The following ATP2C1 variants were observed in gnomAD, a reference collection of about 807,000 sequenced individuals.
ATP2C1 encodes the protein calcium-transporting ATPase type 2C member 1.
Under a neutral mutation model 120.5 loss-of-function variants are expected in ATP2C1, and 31 were observed. That is an observed-to-expected ratio of 0.26 (90% CI 0.19 to 0.35). The LOEUF (loss-of-function observed/expected upper bound fraction) is 0.35, where lower values mean the gene tolerates loss of function less well. ATP2C1 is among the 10% of genes least tolerant of loss of function. The pLI, the probability that ATP2C1 is intolerant of heterozygous loss-of-function variation, is 1.00. For synonymous variants in ATP2C1, 351 were observed against 358.7 expected, an observed-to-expected ratio of 0.98 and a Z score of 0.24; for missense variants, 731 against 1,107.5, an observed-to-expected ratio of 0.66 and a Z score of 4.83.
chr3:131,011,012 G>A (rs376933751), intron 26 of ATP2C1, among the ~76,000 whole-genome samples: 7 of 152,214 alleles, frequency 4.6e-5, no homozygotes, highest in African/African-American at 1.7e-4. Context: ...CAATAATTTG[G>A]ACTGTTATAA....
intron 12 of ATP2C1, among the ~76,000 whole-genome samples, chr3:130,961,358 A>G (rs2060811586): frequency 6.6e-6 from 1 of 151,952 alleles, no homozygotes; most frequent in Admixed American, 6.6e-5. Flanking sequence ...AAATAGAATA[A>G]AACTCATTCT....
At chr3:130,905,421 C>T (rs1257505930) in intron 2 of ATP2C1, among the ~76,000 whole-genome samples, 4 of 152,158 alleles carry the variant, frequency 2.6e-5, no homozygotes, top group African/African-American at 9.6e-5. Context: ...AAACTGTTCT[C>T]AACCACAGTA....
At chr3:130,971,411 C>G (rs943301895) in intron 17 of ATP2C1, among the ~76,000 whole-genome samples, 3 of 152,128 alleles carry the variant, frequency 2.0e-5, no homozygotes, top group African/African-American at 7.2e-5. Flanking sequence ...ACAAACAAAA[C>G]CCAACCCACA....
chr3:130,925,326 G>A (rs749185127), intron 2 of ATP2C1, among the ~76,000 whole-genome samples: 6 of 152,300 alleles, frequency 3.9e-5, no homozygotes. Flanking sequence ...GTGCCAAACT[G>A]TAGTGATTGT....
At chr3:130,955,964 G>A (rs1164830987) in intron 10 of ATP2C1, 140 bp from the exon 11 acceptor site, 3 of 658,328 alleles carry the variant, frequency 4.6e-6, no homozygotes, top group Non-Finnish European at 8.4e-6. Context: ...TTTTCTCAGT[G>A]AAGGTGATTA....
upstream of ATP2C1, among the ~76,000 whole-genome samples, chr3:130,893,666 C>T (rs1355164849): frequency 1.3e-5 from 2 of 152,254 alleles, no homozygotes; most frequent in African/African-American, 4.8e-5. Flanking sequence ...GCTTAAACGC[C>T]TCGGGGACAG....
At chr3:130,914,055 C>T (rs1229983989) in intron 2 of ATP2C1, among the ~76,000 whole-genome samples, 1 of 150,572 alleles carries the variant, frequency 6.6e-6, no homozygotes, top group Non-Finnish European at 1.5e-5. Context: ...CTGCTCTTTC[C>T]CTCCTCCTCC....
chr3:130,894,164 C>CCCCCACAACCCCCCCAACAA lies in ATP2C1; in HGVS notation c.-352_-351insCCACAACCCCCCCAACAACC. ...TCCTCTTCTCTCCCCTCCCCGCCCG[C>CCCCCACAACCCCCCCAACAA]CCTCTCTCCCTCCCTTCCTCCCTCC... On this transcript the variant is annotated 5_prime_UTR_variant, in exon 1 of 28. Coordinates refer to ENST00000510168, the MANE Select transcript of ATP2C1 (RefSeq NM_001378687.1). This position sits in a 1 kb window ranked among gnomAD's most constrained non-coding sequence, Gnocchi z 4.5. The CCCCCACAACCCCCCCAACAA allele has an allele frequency of 1.2e-6, 1 of 800,538 alleles. No individual in the cohort carries two copies. The highest frequency in any genetic ancestry group is 1.5e-6 in the Non-Finnish European group (1 of 661,226). The allele number at this position is 800,538 out of a possible 1,614,324, so 49.6% of individuals were successfully genotyped here.
Position 130,941,300 on chromosome 3 carries a change from G to A in ATP2C1, c.423-291G>A, listed in dbSNP as rs191330522. 2.7e-4 allele frequency among the ~76,000 whole-genome samples: 41 copies of A among 152,152 alleles called. No homozygotes were observed. The South Asian group carries it at 2.9e-3, about 11-fold the overall frequency. The stretch of plus-strand genomic sequence containing the variant: ...TGCGCGCACGCGCGCATGCATGCGC[G>A]TGTCCATGCGCAAGTGTGTGCTAAG... On this transcript the variant is annotated intron_variant, in intron 7 of 27. Transcript: ENST00000510168.
At chr3:130,878,396 T>C (rs1439614358) in intron 1 of ATP2C1, among the ~76,000 whole-genome samples, 4 of 151,504 alleles carry the variant, frequency 2.6e-5, no homozygotes. Flanking sequence ...TTTGTTTCTT[T>C]TTGTTTTTCT....
chr3:130,906,655 A>G (rs769118219), intron 2 of ATP2C1, among the ~76,000 whole-genome samples: 10 of 144,708 alleles, frequency 6.9e-5, no homozygotes, highest in African/African-American at 1.0e-4. Context: ...ATTTCTCCAC[A>G]TCCTCTCCAA....
chr3:130,982,455 G>T (rs1346795744), intron 20 of ATP2C1, among the ~76,000 whole-genome samples: 1 of 152,176 alleles, frequency 6.6e-6, no homozygotes, highest in African/African-American at 2.4e-5. Flanking sequence ...TCAAAGCCTG[G>T]TTTGTGGATA....
intron 1 of ATP2C1, among the ~76,000 whole-genome samples, chr3:130,884,152 G>C (rs543929935): frequency 6.6e-6 from 1 of 151,470 alleles, no homozygotes; most frequent in Non-Finnish European, 1.5e-5. Flanking sequence ...CATTGGCCAG[G>C]CTGGTCTCCA....
In ATP2C1 at chr3:130,980,573, T is replaced by C. The variant is rs756854065; in HGVS notation, c.1742-9T>C. On this transcript the variant is annotated splice_polypyrimidine_tract_variant and intron_variant, in intron 19 of 27. Coordinates refer to ENST00000510168, the MANE Select transcript of ATP2C1 (RefSeq NM_001378687.1). ...TGGTTTATTACATTTTCTCTCTCATTTGCTTTAGCCAGTCGTCTGGGATTG... is the reference window on the plus strand; with the variant it reads ...TGGTTTATTACATTTTCTCTCTCATCTGCTTTAGCCAGTCGTCTGGGATTG... 2.5e-6 allele frequency: 4 copies of C among 1,608,114 alleles called. No individual in the cohort carries two copies. The highest frequency in any genetic ancestry group is 3.3e-5 in the Admixed American group (2 of 59,938).
intron 7 of ATP2C1, among the ~76,000 whole-genome samples, chr3:130,941,274 G>T (rs2059905262): frequency 6.7e-6 from 1 of 149,654 alleles, no homozygotes; most frequent in South Asian, 2.1e-4. Context: ...GTCTGTGTGT[G>T]TGCGCGCACG....
chr3:130,993,142 C>A, intron 21 of ATP2C1, 141 bp downstream of exon 21: 1 of 673,778 alleles, frequency 1.5e-6, no homozygotes, highest in South Asian at 1.7e-5. Context: ...TTTGTAAGAG[C>A]TTGACATAGA....
chr3:130,980,776 A>G (rs1400684918), intron 20 of ATP2C1, 97 bp downstream of exon 20: 26 of 922,816 alleles, frequency 2.8e-5, no homozygotes, highest in Non-Finnish European at 4.5e-5. Context: ...TGTGAACATC[A>G]GGGATTTAAA....
At chr3:130,983,129 C>T (rs1316014192) in intron 20 of ATP2C1, among the ~76,000 whole-genome samples, 6 of 152,000 alleles carry the variant, frequency 3.9e-5, no homozygotes, top group African/African-American at 1.4e-4. Context: ...GTTACATAAC[C>T]ATTTTCCTGT....
chr3:130,927,536 C>T (rs377561620), intron 2 of ATP2C1, among the ~76,000 whole-genome samples: 42 of 152,220 alleles, frequency 2.8e-4, no homozygotes, highest in Non-Finnish European at 4.3e-4. Context: ...CCACCATGCC[C>T]GGCCTTTTTA....
Sources: gnomAD v4.1 joint callset for allele counts (sites outside exome capture counted in the v4.1 genomes callset) on GRCh38, gnomAD v4.1.1 for gene constraint, Gnocchi (gnomAD v3.1) non-coding constraint, MANE v1.5 for transcripts, NCBI Gene and HGNC (gene_info 2026-07-23, HGNC 2026-07-21) for gene names.